Variants in ZNF770 observed in about 807,000 individuals in gnomAD.
ZNF770 encodes zinc finger protein 770.
Under a neutral mutation model 44.8 loss-of-function variants are expected in ZNF770, and 13 were observed. The ratio of observed to expected loss-of-function variants is 0.29; its 90% CI spans 0.19 to 0.46. The LOEUF is 0.46. Among genes scored for constraint, ZNF770 ranks in the 20% least tolerant of loss-of-function variants. ZNF770 has a pLI of 1.00. For missense variants in ZNF770, 681 were observed against 797.9 expected (o/e 0.85, Z 1.77); for synonymous variants, 304 against 271.8 (o/e 1.12, Z -1.17).
At chr15:34,986,355 C>T (rs1293782619) in intron 2 of ZNF770, among the ~76,000 whole-genome samples, 1 of 152,174 alleles carries the variant, frequency 6.6e-6, no homozygotes, top group Non-Finnish European at 1.5e-5. Flanking sequence ...CAACAATCAA[C>T]TCTTGGTGCT....
chr15:34,988,264 C>T lies in ZNF770; in HGVS notation c.-322G>A, dbSNP rs1017163466. 6 of 152,164 alleles carry T rather than the reference C, an allele frequency of 3.9e-5. No homozygotes were observed. Among genetic ancestry groups the T allele is most frequent in the African/African-American group, 7.2e-5 (3 of 41,438 alleles). The allele number at this position is 152,164 out of a possible 1,614,324, so 9.4% of individuals were successfully genotyped here. A position where few individuals can be genotyped will look rare whatever the true frequency, so the allele number is the denominator to read the frequency against. ...AGGTGCCGCGAAGGCAGCGCGCGCA[C>T]GTCCGCAGGGCCGGCGCGGCAACGG... On this transcript the variant is annotated 5_prime_UTR_variant, in exon 1 of 3. The change creates a new upstream start codon in the 5' untranslated region. Coordinates refer to ENST00000356321, the MANE Select transcript of ZNF770 (RefSeq NM_014106.4).
chr15:34,981,157 T>C lies in ZNF770; in HGVS notation c.*202A>G. 1 of 571,626 alleles carries C rather than the reference T, an allele frequency of 1.7e-6. No homozygotes were observed. Among genetic ancestry groups the C allele is most frequent in the Non-Finnish European group, 3.0e-6 (1 of 331,340 alleles). The allele number at this position is 571,626 out of a possible 1,614,324, so 35.4% of individuals were successfully genotyped here. ...CCTACTTTATAGCATCAAATCATGT[T>C]CTTGCCTCTAAAATTAACTTGGCTG... On this transcript the variant is annotated 3_prime_UTR_variant, in exon 3 of 3. Coordinates refer to ENST00000356321, the MANE Select transcript of ZNF770 (RefSeq NM_014106.4).
At position 34,983,074 on chromosome 15, in the gene ZNF770, T is replaced by G. The variant is rs1298163686; in HGVS notation, c.361A>C (p.Lys121Gln). 1.9e-6 allele frequency: 3 copies of G among 1,614,120 alleles called. No homozygotes were observed. Among genetic ancestry groups the G allele is most frequent in the Non-Finnish European group, 2.5e-6 (3 of 1,179,980 alleles). Residue 121 changes from lysine to glutamine, a missense_variant, in exon 3 of 3, where the codon AAG (lysine) becomes CAG (glutamine). Transcript: ENST00000356321. ...ACTCCATACATTGACTTTTCTTGCT[T>G]GGCCTCCAGCAATCTTCTGACCTGT... ...VKQVRRLLEAKQEKSMYGVYN... is the reference protein window; with the variant it reads ...VKQVRRLLEAQQEKSMYGVYN...
chr15:34,982,510 G>T lies in ZNF770; in HGVS notation c.925C>A (p.Leu309Ile). The T allele has an allele frequency of 6.2e-7, 1 of 1,613,958 alleles. No homozygotes were observed. The highest frequency in any genetic ancestry group is 8.5e-7 in the Non-Finnish European group (1 of 1,179,972). Reference sequence around the variant, plus strand: ...GCAGCAAAACAGCTGTGTTCATTGAGAATCTGCTCTGATTCAAAACACTTT... The same window carrying T: ...GCAGCAAAACAGCTGTGTTCATTGATAATCTGCTCTGATTCAAAACACTTT... ...CEKCFESEQI[L>I]NEHSCFAARS... Residue 309 changes from leucine to isoleucine, a missense_variant, in exon 3 of 3, where the codon CTC becomes ATC. By Grantham distance (5) the Leu-to-Ile change is conservative (BLOSUM62 2). Coordinates refer to ENST00000356321, the MANE Select transcript of ZNF770 (RefSeq NM_014106.4).
Position 34,981,258 on chromosome 15 carries a change from ATTCAG to A in ZNF770, c.*96_*100del. 2 of 1,200,562 alleles carry A rather than the reference ATTCAG, an allele frequency of 1.7e-6. No homozygotes were observed. The highest frequency in any genetic ancestry group is 3.2e-5 in the South Asian group (2 of 62,254). The allele number at this position is 1,200,562 out of a possible 1,614,324, so 74.4% of individuals were successfully genotyped here. A position where few individuals can be genotyped will look rare whatever the true frequency, so the allele number is the denominator to read the frequency against. On this transcript the variant is annotated 3_prime_UTR_variant, in exon 3 of 3. Transcript: ENST00000356321. ...AGGACAAGCAAATGCCTGTGAAACC[ATTCAG>A]TTTAATGCAGGCCTTTCAATAAAAA... is the stretch of plus-strand genomic sequence containing the variant.
chr15:34,985,016 T>A (rs1301216145), intron 2 of ZNF770, among the ~76,000 whole-genome samples: 2 of 151,646 alleles, frequency 1.3e-5, no homozygotes, highest in African/African-American at 4.8e-5. Flanking sequence ...ATATGTTAAT[T>A]CCAGCTACTT....
At position 34,982,483 on chromosome 15, in the gene ZNF770, T is replaced by C. The variant is rs1274408663; in HGVS notation, c.952A>G (p.Arg318Gly). Residue 318 changes from arginine (R) to glycine (G), a missense_variant, in exon 3 of 3, where the codon AGA (arginine) becomes GGA (glycine). Coordinates refer to ENST00000356321, the MANE Select transcript of ZNF770 (RefSeq NM_014106.4). Reference protein sequence around the residue: ...ILNEHSCFAARSGKIPSRFKR... With the variant: ...ILNEHSCFAAGSGKIPSRFKR... The stretch of plus-strand genomic sequence containing the variant: ...AACCTGCTTGGAATTTTGCCACTTC[T>C]AGCAGCAAAACAGCTGTGTTCATTG... The C allele has an allele frequency of 5.0e-6, 8 of 1,613,940 alleles. No individual in the cohort carries two copies. The highest frequency in any genetic ancestry group is 1.1e-5 in the South Asian group (1 of 91,070).
intron 2 of ZNF770, among the ~76,000 whole-genome samples, chr15:34,985,501 TTTAG>T (rs1181485672): frequency 1.3e-5 from 2 of 152,208 alleles, no homozygotes; most frequent in African/African-American, 4.8e-5. Context: ...AACAAATATC[TTTAG>T]TTACTTTATC....
rs2050413799 is a variant in ZNF770, at chr15:34,983,112, T to C, written c.323A>G (p.Gln108Arg). Residue 108 changes from glutamine to arginine, a missense_variant, in exon 3 of 3, where the codon CAG becomes CGG. By Grantham distance (43) the Gln-to-Arg change is conservative. This residue lies in a region of ZNF770 where 432 missense variants were observed against 434.1 expected (regional missense o/e 1.00). Coordinates refer to ENST00000356321, the MANE Select transcript of ZNF770 (RefSeq NM_014106.4). ...TCTTCTGACCTGTTTAACATTATTC[T>C]GATAGGTTTCATTGTGAAGTTGTTG... is the stretch of plus-strand genomic sequence containing the variant. Reference protein sequence around the residue: ...KHQQLHNETYQNNVKQVRRLL... With the variant: ...KHQQLHNETYRNNVKQVRRLL... 12 of 1,614,136 alleles carry C rather than the reference T, an allele frequency of 7.4e-6. No individual in the cohort carries two copies. Among genetic ancestry groups the C allele is most frequent in the Non-Finnish European group, 9.3e-6 (11 of 1,179,990 alleles).
At position 34,983,330 on chromosome 15, in the gene ZNF770, G is replaced by C; in HGVS notation, c.105C>G (p.His35Gln). 1 of 1,613,104 alleles carries C rather than the reference G, an allele frequency of 6.2e-7. No individual in the cohort carries two copies. The highest frequency in any genetic ancestry group is 8.5e-7 in the Non-Finnish European group (1 of 1,179,276). Reference protein sequence around the residue: ...RPYVCNICFKHFETPSKLARH... With the variant: ...RPYVCNICFKQFETPSKLARH... Reference sequence around the variant, plus strand: ...TAGCTAATTTTGATGGTGTTTCAAAGTGCTTAAAACAAATATTGCAAACAT... The same window carrying C: ...TAGCTAATTTTGATGGTGTTTCAAACTGCTTAAAACAAATATTGCAAACAT... Residue 35 changes from histidine to glutamine, a missense_variant, in exon 3 of 3, where the codon CAC becomes CAG. Coordinates refer to ENST00000356321, the MANE Select transcript of ZNF770 (RefSeq NM_014106.4).
In ZNF770 at chr15:34,982,049, T is replaced by G; in HGVS notation, c.1386A>C (p.Ser462=). 4 of 1,613,664 alleles carry G rather than the reference T, an allele frequency of 2.5e-6. No homozygotes were observed. Among genetic ancestry groups the G allele is most frequent in the Non-Finnish European group, 2.5e-6 (3 of 1,179,996 alleles). Residue 462 remains serine, a synonymous_variant, in exon 3 of 3, where the codon TCA becomes TCC. Transcript: ENST00000356321. The part of the protein sequence containing the change: ...NNCEVLQCGF[S]VPRENIRTRH... ...TAGTACGTATGTTTTCCCTTGGAACTGAAAAACCACACTGAAGTACCTCAC... is the reference window on the plus strand; with the variant it reads ...TAGTACGTATGTTTTCCCTTGGAACGGAAAAACCACACTGAAGTACCTCAC...
chr15:34,985,270 T>C lies in ZNF770; in HGVS notation c.-56-1780A>G, dbSNP rs930315944. Among the ~76,000 whole-genome samples, 17 of 152,152 alleles carry C rather than the reference T, an allele frequency of 1.1e-4. 1 individual carries two copies. Among genetic ancestry groups the C allele is most frequent in the African/African-American group, 4.1e-4 (17 of 41,428 alleles). Reference sequence around the variant, plus strand: ...CTTAAATAAAGGAGTCAGAGATTTTTTCAAAAAAAAATTAAAAGCTGTGCT... The same window carrying C: ...CTTAAATAAAGGAGTCAGAGATTTTCTCAAAAAAAAATTAAAAGCTGTGCT... On this transcript the variant is annotated intron_variant, in intron 2 of 2. Coordinates refer to ENST00000356321, the MANE Select transcript of ZNF770 (RefSeq NM_014106.4).
intron 1 of ZNF770, among the ~76,000 whole-genome samples, chr15:34,987,901 A>G (rs2050445589): frequency 6.6e-6 from 1 of 152,188 alleles, no homozygotes; most frequent in Non-Finnish European, 1.5e-5. Flanking sequence ...CCACGCCAGG[A>G]AAGGAAGGGT....
chr15:34,982,947 G>A lies in ZNF770; in HGVS notation c.488C>T (p.Thr163Ile). 6.2e-7 allele frequency: 1 copy of A among 1,614,050 alleles called. No individual in the cohort carries two copies. Reference sequence around the variant, plus strand: ...TGATGGAAACATCTTGCCACAGATTGTACATGCATGAATATTCTTTCTTCT... The same window carrying A: ...TGATGGAAACATCTTGCCACAGATTATACATGCATGAATATTCTTTCTTCT... ...MKRRKNIHAC[T>I]ICGKMFPSQS... is the part of the protein sequence containing the mutation. Residue 163 changes from threonine (T) to isoleucine (I), a missense_variant, in exon 3 of 3, where the codon ACA (threonine) becomes ATA (isoleucine). Around this residue, in one of 5 missense-constraint regions of ZNF770, gnomAD observed 432 missense variants for 434.1 expected, o/e 1.00. Transcript: ENST00000356321.
Position 34,981,587 on chromosome 15 carries a change from A to G in ZNF770, c.1848T>C (p.His616=). The G allele has an allele frequency of 6.2e-7, 1 of 1,614,186 alleles. No individual in the cohort carries two copies. The highest frequency in any genetic ancestry group is 8.5e-7 in the Non-Finnish European group (1 of 1,180,034). ...QSNPFCSYSE[H]QEKNDVFLYR... ...ACAGGAAGACATCATTTTTCTCCTGATGCTCTGAATAACTGCAAAAAGGAT... is the reference window on the plus strand; with the variant it reads ...ACAGGAAGACATCATTTTTCTCCTGGTGCTCTGAATAACTGCAAAAAGGAT... The change falls in exon 3 of 3, where the codon CAT becomes CAC. Residue 616 remains histidine (H), a synonymous_variant. Transcript: ENST00000356321.
rs2050393524 is a variant in ZNF770 at position 34,980,433 on chromosome 15, A to AC, written c.*925_*926insG. ...GATAGCACTAGCTGGGAGAAAAAAA[A>AC]AATCCTTATCACCTGAAGGTGAAAT... On this transcript the variant is annotated 3_prime_UTR_variant, in exon 3 of 3. Coordinates refer to ENST00000356321, the MANE Select transcript of ZNF770 (RefSeq NM_014106.4). 1 of 152,172 alleles carries AC rather than the reference A, an allele frequency of 6.6e-6. No homozygotes were observed. The highest frequency in any genetic ancestry group is 1.5e-5 in the Non-Finnish European group (1 of 68,032). 9.4% of individuals were successfully genotyped at this position (152,172 alleles called of 1,614,324 possible). A position where few individuals can be genotyped will look rare whatever the true frequency, so the allele number is the denominator to read the frequency against.
At position 34,982,635 on chromosome 15, in the gene ZNF770, T is replaced by C; in HGVS notation, c.800A>G (p.Gln267Arg). 1 of 1,613,002 alleles carries C rather than the reference T, an allele frequency of 6.2e-7. No homozygotes were observed. The highest frequency in any genetic ancestry group is 2.2e-5 in the East Asian group (1 of 44,876). Reference protein sequence around the residue: ...RPLPNKLNANQGGFENGEIGE... With the variant: ...RPLPNKLNANRGGFENGEIGE... ...AATCTCACCATTTTCAAAACCACCCTGATTTGCATTTAACTTATTAGGCAG... is the reference window on the plus strand; with the variant it reads ...AATCTCACCATTTTCAAAACCACCCCGATTTGCATTTAACTTATTAGGCAG... The change falls in exon 3 of 3, where the codon CAG becomes CGG. Residue 267 changes from glutamine (Q) to arginine (R), a missense_variant. Gln to Arg is a conservative substitution (Grantham distance 43). Around this residue, in one of 5 missense-constraint regions of ZNF770, gnomAD observed 432 missense variants for 434.1 expected, o/e 1.00. Coordinates refer to ENST00000356321, the MANE Select transcript of ZNF770 (RefSeq NM_014106.4).
chr15:34,985,619 G>A (rs1185857670), intron 2 of ZNF770, among the ~76,000 whole-genome samples: 3 of 152,176 alleles, frequency 2.0e-5, no homozygotes, highest in Non-Finnish European at 4.4e-5. Flanking sequence ...GCGGAGGCTG[G>A]CATAGTGGCT....
rs35830261 is a variant in ZNF770 at position 34,980,857 on chromosome 15, C to CA, written c.*501dup. On this transcript the variant is annotated 3_prime_UTR_variant, in exon 3 of 3. Transcript: ENST00000356321. ...GTGTCTCTGTAGTTTTTTTAACTTA[C>CA]AAAAAAAAAAAAAAAATTACCAATG... 3.1e-3 allele frequency: 398 copies of CA among 129,366 alleles called. 1 individual carries two copies. The highest frequency in any genetic ancestry group is 5.6e-3 in the South Asian group (23 of 4,096). 8.0% of individuals were successfully genotyped at this position (129,366 alleles called of 1,614,324 possible). A position where few individuals can be genotyped will look rare whatever the true frequency, so the allele number is the denominator to read the frequency against.
Sources: gnomAD v4.1 joint callset for allele counts (sites outside exome capture counted in the v4.1 genomes callset) on GRCh38, gnomAD v4.1.1 for gene constraint, gnomAD v4.1.1 regional missense constraint, MANE v1.5 for transcripts, NCBI Gene and HGNC (gene_info 2026-07-23, HGNC 2026-07-21) for gene names.